DSE: variants seen among roughly 807,000 people sequenced by gnomAD.
The protein encoded by DSE is dermatan sulfate epimerase, also known as dermatan-sulfate epimerase.
In DSE, 36 loss-of-function variants were observed where a neutral mutation model predicts 84.4. The observed-to-expected ratio is 0.43, with a 90% confidence interval of 0.33 to 0.56. The LOEUF is 0.56. Among genes scored for constraint, DSE ranks in the 20% least tolerant of loss-of-function variants. The pLI, the probability that DSE is intolerant of heterozygous loss-of-function variation, is 0.06. For synonymous variants in DSE, 410 were observed against 430.1 expected (o/e 0.95, Z 0.58); for missense variants, 862 against 1,169.6 (o/e 0.74, Z 3.84).
chr6:116,280,466 TC>T (rs1235872686), intron 2 of DSE, among the ~76,000 whole-genome samples: 3 of 152,248 alleles, frequency 2.0e-5, no homozygotes, highest in African/African-American at 7.2e-5. Context: ...CGATTTATAA[TC>T]TGCATCAAAT....
chr6:116,406,483 A>T (rs1781936805), intron 2 of DSE, among the ~76,000 whole-genome samples: 1 of 152,218 alleles, frequency 6.6e-6, no homozygotes, highest in Non-Finnish European at 1.5e-5. Flanking sequence ...GTATGTCTGT[A>T]TTCTCTTTCA....
chr6:116,278,809 T>C (rs984586470), intron 2 of DSE: 1 of 1,614,036 alleles, frequency 6.2e-7, no homozygotes, highest in African/African-American at 1.3e-5. Flanking sequence ...GGATCTTACC[T>C]CATATTCCTT....
Position 116,437,000 on chromosome 6 carries a change from A to T in DSE, c.2532A>T (p.Ala844=). Residue 844 remains alanine, a synonymous_variant, in exon 6 of 6, where the codon GCA becomes GCT. Coordinates refer to ENST00000644252, the MANE Select transcript of DSE (RefSeq NM_013352.4). ...TTAGACAGAAAGCTCAGATTTTGGC[A>T]CAGAAAGAACTACCCATAGATGAAG... ...KKIRQKAQIL[A]QKELPIDEDE... The T allele has an allele frequency of 5.6e-6, 9 of 1,614,124 alleles. No individual in the cohort carries two copies. The highest frequency in any genetic ancestry group is 7.6e-6 in the Non-Finnish European group (9 of 1,180,008).
chr6:116,272,481 T>A (rs1425843054), intron 2 of DSE, among the ~76,000 whole-genome samples: 2 of 152,172 alleles, frequency 1.3e-5, no homozygotes, highest in Non-Finnish European at 2.9e-5. Context: ...TGAATTCAGG[T>A]TAATTCCATT....
At chr6:116,293,708 C>G (rs1774452624) in intron 2 of DSE, among the ~76,000 whole-genome samples, 1 of 151,944 alleles carries the variant, frequency 6.6e-6, no homozygotes, top group African/African-American at 2.4e-5. Context: ...TCAAGATCAG[C>G]CTAGGAAACA....
chr6:116,339,488 T>C (rs762878915), intron 2 of DSE, among the ~76,000 whole-genome samples: 6 of 152,192 alleles, frequency 3.9e-5, no homozygotes, highest in Non-Finnish European at 5.9e-5. Context: ...TATCTTTTTG[T>C]TGTTGTTTTA....
intron 2 of DSE, among the ~76,000 whole-genome samples, chr6:116,347,152 C>T (rs1261377006): frequency 1.3e-5 from 2 of 152,132 alleles, no homozygotes; most frequent in Admixed American, 1.3e-4. Flanking sequence ...ATTCCATGCT[C>T]ATGGATAGGA....
intron 2 of DSE, among the ~76,000 whole-genome samples, chr6:116,325,507 T>G (rs1776563519): frequency 6.6e-6 from 1 of 152,248 alleles, no homozygotes; most frequent in South Asian, 2.1e-4. Flanking sequence ...CCCAGATTTC[T>G]TGCAACTTTC....
intron 2 of DSE, among the ~76,000 whole-genome samples, chr6:116,362,423 G>A (rs1268485886): frequency 6.6e-6 from 1 of 152,152 alleles, no homozygotes; most frequent in Non-Finnish European, 1.5e-5. Context: ...GACCATATTT[G>A]GAAATAGAGC....
chr6:116,358,227 TACTG>T (rs1265619728), intron 2 of DSE, among the ~76,000 whole-genome samples: 1 of 152,210 alleles, frequency 6.6e-6, no homozygotes, highest in African/African-American at 2.4e-5. Context: ...TTTTTTCTGC[TACTG>T]ACTGTTTCTG....
At chr6:116,292,133 A>G (rs891603535) in intron 2 of DSE, among the ~76,000 whole-genome samples, 9 of 152,182 alleles carry the variant, frequency 5.9e-5, no homozygotes, top group African/African-American at 2.2e-4. Context: ...TGACATCATC[A>G]GAGTGGACGA....
intron 1 of DSE, among the ~76,000 whole-genome samples, chr6:116,371,800 C>T (rs537246025): frequency 6.6e-6 from 1 of 152,314 alleles, no homozygotes; most frequent in South Asian, 2.1e-4. Flanking sequence ...GAAAGCGATG[C>T]CACATGGGCT....
At chr6:116,385,588 G>A (rs1780531441) in intron 1 of DSE, among the ~76,000 whole-genome samples, 1 of 152,046 alleles carries the variant, frequency 6.6e-6, no homozygotes, top group African/African-American at 2.4e-5. Flanking sequence ...ACTGAGTTGG[G>A]GAAGTCTAAG....
intron 2 of DSE, among the ~76,000 whole-genome samples, chr6:116,325,546 T>C (rs1291819206): frequency 6.6e-6 from 1 of 152,200 alleles, no homozygotes; most frequent in East Asian, 1.9e-4. Context: ...CCTAATGTCC[T>C]GTGTTGCAAC....
Position 116,262,234 on chromosome 6 carries a change from C to CTGTTGT in DSE, c.-54+3284_-54+3289dup, listed in dbSNP as rs138505701. Among the ~76,000 whole-genome samples the CTGTTGT allele has an allele frequency of 1.5e-4, 23 of 151,432 alleles. No individual in the cohort carries two copies. In the South Asian group the frequency reaches 2.1e-3, roughly 14 times the overall value. ...GTAAATCTGTCTGGTCCTGGGGTTT[C>CTGTTGT]TGTTGTTGTTGTTGTTGTTGTTTTG... On this transcript the variant is annotated intron_variant, in intron 2 of 3. Coordinates refer to the DSE transcript ENST00000430252.
chr6:116,284,506 C>CT (rs1027182997), intron 2 of DSE, among the ~76,000 whole-genome samples: 2 of 151,868 alleles, frequency 1.3e-5, no homozygotes, highest in Non-Finnish European at 2.9e-5. Flanking sequence ...AACTCACTTT[C>CT]TTTTTTTTAT....
At chr6:116,296,582 T>C (rs1774679819) in intron 2 of DSE, among the ~76,000 whole-genome samples, 1 of 152,138 alleles carries the variant, frequency 6.6e-6, no homozygotes. Context: ...ACCTGAGTGG[T>C]GAGAAGGTGT....
In DSE at chr6:116,408,720, G is replaced by A. The variant is rs1272714908; in HGVS notation, c.416+9054G>A. Among the ~76,000 whole-genome samples, 3 of 152,274 alleles carry A rather than the reference G, an allele frequency of 2.0e-5. No homozygotes were observed. The East Asian group carries it at 5.8e-4, about 29-fold the overall frequency. On this transcript the variant is annotated intron_variant, in intron 2 of 5. Coordinates refer to ENST00000644252, the MANE Select transcript of DSE (RefSeq NM_013352.4). ...TCAGGATTTGACATCTTGGTGCATA[G>A]CTCAGCAGAGAATCTCAGATTACCT... is the stretch of plus-strand genomic sequence containing the variant.
In DSE at chr6:116,293,553, A is replaced by G. The variant is rs1347105913; in HGVS notation, c.-54+34586A>G. On this transcript the variant is annotated intron_variant, in intron 2 of 3. Coordinates refer to the DSE transcript ENST00000430252. ...GATTTAAAATAGCTGAAATTCAGTC[A>G]AAAACTTAATTTACTGGGTTGTACC... Among the ~76,000 whole-genome samples the G allele has an allele frequency of 2.0e-5, 3 of 152,316 alleles. No individual in the cohort carries two copies. The South Asian group carries it at 6.2e-4, about 32-fold the overall frequency.
Sources: allele counts gnomAD v4.1 joint callset (sites outside exome capture counted in the v4.1 genomes callset), GRCh38; gene constraint gnomAD v4.1.1; transcripts MANE v1.5; gene names NCBI Gene and HGNC (gene_info 2026-07-23, HGNC 2026-07-21).